DGKE: variants seen among roughly 807,000 people sequenced by gnomAD.
The protein encoded by DGKE is diacylglycerol kinase epsilon.
DGKE carries 53 observed loss-of-function variants against 70.0 expected under a neutral mutation model. That is an observed-to-expected ratio of 0.76 (90% CI 0.61 to 0.95). The LOEUF (loss-of-function observed/expected upper bound fraction) is 0.95, where lower values mean the gene tolerates loss of function less well. Among genes scored for constraint, DGKE ranks in the 40% least tolerant of loss-of-function variants. The pLI, the probability that DGKE is intolerant of heterozygous loss-of-function variation, is 0.00. For synonymous variants in DGKE, 291 were observed against 257.0 expected (o/e 1.13, Z -1.27); for missense variants, 655 against 706.9 (o/e 0.93, Z 0.83).
Position 56,867,462 on chromosome 17 carries a change from G to A in DGKE, c.*4671G>A, listed in dbSNP as rs933150728. 6.6e-6 allele frequency: 1 copy of A among 152,158 alleles called. No homozygotes were observed. The highest frequency in any genetic ancestry group is 1.5e-5 in the Non-Finnish European group (1 of 68,054). The allele number at this position is 152,158 out of a possible 1,614,324, so 9.4% of individuals were successfully genotyped here. ...TAAAAATACAAAAAAAATTAGCCAG[G>A]TACATTGGCACATGCCTTTAATCCC... On this transcript the variant is annotated 3_prime_UTR_variant, in exon 12 of 12. Coordinates refer to ENST00000284061, the MANE Select transcript of DGKE (RefSeq NM_003647.3).
Position 56,862,628 on chromosome 17 carries a change from C to T in DGKE, c.1541C>T (p.Ser514Phe). The T allele has an allele frequency of 6.4e-7, 1 of 1,560,454 alleles. No homozygotes were observed. The highest frequency in any genetic ancestry group is 8.6e-7 in the Non-Finnish European group (1 of 1,161,536). The change falls in exon 12 of 12, where the codon TCC (serine) becomes TTC (phenylalanine). Residue 514 changes from serine (S) to phenylalanine (F), a missense_variant. Ser to Phe is a radical substitution (Grantham distance 155). Coordinates refer to ENST00000284061, the MANE Select transcript of DGKE (RefSeq NM_003647.3). ...TAATATCAGCTGATTTTGAAGTGCT[C>T]CATGATGCCAATGCAGGTGGATGGG... ...AHTVRLILKCSMMPMQVDGEP... is the reference protein window; with the variant it reads ...AHTVRLILKCFMMPMQVDGEP...
intron 7 of DGKE, among the ~76,000 whole-genome samples, chr17:56,851,407 C>T (rs1598035736): frequency 6.6e-6 from 1 of 152,292 alleles, no homozygotes; most frequent in Middle Eastern, 3.4e-3. Flanking sequence ...CCTTTTCATC[C>T]ACTCAACTTC....
Position 56,868,270 on chromosome 17 carries a change from C to T in DGKE, c.*5479C>T, listed in dbSNP as rs1397227266. On this transcript the variant is annotated 3_prime_UTR_variant, in exon 12 of 12. Transcript: ENST00000284061. ...ATGATGGCTCATAAAAACGTTTGTT[C>T]TCAGTCCAGTTCAGGGCTCTGCCAG... 6.6e-6 allele frequency: 1 copy of T among 152,298 alleles called. No individual in the cohort carries two copies. Among genetic ancestry groups the T allele is most frequent in the African/African-American group, 2.4e-5 (1 of 41,466 alleles). The allele number at this position is 152,298 out of a possible 1,614,324, so 9.4% of individuals were successfully genotyped here.
rs758506570 is a variant in DGKE at position 56,835,229 on chromosome 17, G to A, written c.434G>A (p.Cys145Tyr). The change falls in exon 2 of 12, where the codon TGT (cysteine) becomes TAT (tyrosine). Residue 145 changes from cysteine to tyrosine, a missense_variant. Transcript: ENST00000284061. ...TACTGTATGGTTTGCAAGCAGCAGT[G>A]TGGCTGTCAACCCAAGCTTTGCGAT... ...CSYCMVCKQQ[C>Y]GCQPKLCDYR... 2 of 1,612,960 alleles carry A rather than the reference G, an allele frequency of 1.2e-6. No homozygotes were observed. The highest frequency in any genetic ancestry group is 2.2e-5 in the East Asian group (1 of 44,882).
chr17:56,852,338 G>A (rs1211602712), intron 7 of DGKE, among the ~76,000 whole-genome samples: 3 of 151,170 alleles, frequency 2.0e-5, no homozygotes, highest in South Asian at 4.2e-4. Flanking sequence ...GCTTGAACCC[G>A]AGAGGCAGAG....
chr17:56,846,556 G>T (rs1907298431), intron 4 of DGKE, among the ~76,000 whole-genome samples: 1 of 152,046 alleles, frequency 6.6e-6, no homozygotes, highest in African/African-American at 2.4e-5. Flanking sequence ...AATCTTATAT[G>T]TAAATTATAC....
At chr17:56,849,533 T>C (rs557935486) in intron 7 of DGKE, among the ~76,000 whole-genome samples, 2 of 152,262 alleles carry the variant, frequency 1.3e-5, no homozygotes, top group South Asian at 4.1e-4. Context: ...GTGCAAAGCA[T>C]GGTTAGCAAG....
rs1187874851 is a variant in DGKE, at chr17:56,863,598, TC to T, written c.*808del. On this transcript the variant is annotated 3_prime_UTR_variant, in exon 12 of 12. Coordinates refer to ENST00000284061, the MANE Select transcript of DGKE (RefSeq NM_003647.3). ...TTTATTAAAAGACAGTGTCAACACT[TC>T]AAAAAACGTGCTTAAAGGAGACAAC... is the stretch of plus-strand genomic sequence containing the variant. The T allele has an allele frequency of 1.3e-5, 2 of 152,216 alleles. No homozygotes were observed. Among genetic ancestry groups the T allele is most frequent in the African/African-American group, 2.4e-5 (1 of 41,448 alleles). 9.4% of individuals were successfully genotyped at this position (152,216 alleles called of 1,614,324 possible).
At chr17:56,852,608 TA>T (rs201332526) in intron 7 of DGKE, among the ~76,000 whole-genome samples, 13 of 145,776 alleles carry the variant, frequency 8.9e-5, no homozygotes, top group Admixed American at 2.7e-4. Flanking sequence ...TGATTTATTT[TA>T]AAAAAAAAAT....
intron 3 of DGKE, among the ~76,000 whole-genome samples, chr17:56,844,979 A>C (rs896445407): frequency 1.6e-4 from 24 of 152,308 alleles, no homozygotes; most frequent in Non-Finnish European, 2.6e-4. Flanking sequence ...CTGCAAGGGA[A>C]GGGACATTTT....
At chr17:56,848,164 T>C in intron 5 of DGKE, 99 bp downstream of exon 5, 1 of 820,450 alleles carries the variant, frequency 1.2e-6, no homozygotes. Flanking sequence ...GTTGTTGTTG[T>C]TGTTTTTTCT....
At chr17:56,852,811 T>A in intron 7 of DGKE, among the ~76,000 whole-genome samples, 1 of 152,236 alleles carries the variant, frequency 6.6e-6, no homozygotes, top group East Asian at 1.9e-4. Flanking sequence ...CTCTGATGAT[T>A]AGAAATGTTG....
At chr17:56,861,717 A>G in intron 9 of DGKE, 74 bp from the exon 10 acceptor site, 1 of 1,581,124 alleles carries the variant, frequency 6.3e-7, no homozygotes, top group East Asian at 2.3e-5. Context: ...TTATGAAAAT[A>G]GATGTGAATT....
intron 2 of DGKE, among the ~76,000 whole-genome samples, chr17:56,840,096 G>A (rs948723893): frequency 2.6e-5 from 4 of 152,028 alleles, no homozygotes; most frequent in Non-Finnish European, 4.4e-5. Flanking sequence ...CCCAGGAGGC[G>A]GAGGTTGCTG....
At chr17:56,840,592 C>T (rs76458845) in intron 2 of DGKE, among the ~76,000 whole-genome samples, 1 of 152,204 alleles carries the variant, frequency 6.6e-6, no homozygotes, top group Non-Finnish European at 1.5e-5. Flanking sequence ...GTTACTCAGG[C>T]TGGTCTCAAA....
rs748388751 is a variant in DGKE, at chr17:56,848,707, G to A, written c.900G>A (p.Lys300=). The A allele has an allele frequency of 2.5e-6, 4 of 1,613,922 alleles. No individual in the cohort carries two copies. Among genetic ancestry groups the A allele is most frequent in the Admixed American group, 1.7e-5 (1 of 59,978 alleles). Residue 300 remains lysine, a synonymous_variant, in exon 6 of 12, where the codon AAG becomes AAA. Coordinates refer to ENST00000284061, the MANE Select transcript of DGKE (RefSeq NM_003647.3). ...CTTCCATATTCTAGGGACAAGAAAA[G>A]TACATTCCACAAGTTGCAGTTTTGC... ...VDDMKIKGQE[K]YIPQVAVLPL...
chr17:56,845,592 A>G (rs1368503420), intron 3 of DGKE, 98 bp from the exon 4 acceptor site: 3 of 1,292,968 alleles, frequency 2.3e-6, no homozygotes, highest in Non-Finnish European at 3.1e-6. Flanking sequence ...TATAGTTTTT[A>G]TTTCAGCAAA....
At position 56,863,696 on chromosome 17, in the gene DGKE, T is replaced by C. The variant is rs1290680229; in HGVS notation, c.*905T>C. 1 of 152,258 alleles carries C rather than the reference T, an allele frequency of 6.6e-6. No individual in the cohort carries two copies. Among genetic ancestry groups the C allele is most frequent in the Non-Finnish European group, 1.5e-5 (1 of 68,046 alleles). 9.4% of individuals were successfully genotyped at this position (152,258 alleles called of 1,614,324 possible). The stretch of plus-strand genomic sequence containing the variant: ...TTAAAAATTTGGTGGTCTTGTAGTA[T>C]TTTGAAATACAGTAGTCTTTTAACA... On this transcript the variant is annotated 3_prime_UTR_variant, in exon 12 of 12. Coordinates refer to ENST00000284061, the MANE Select transcript of DGKE (RefSeq NM_003647.3).
In DGKE at chr17:56,834,952, G is replaced by A. The variant is rs558221360; in HGVS notation, c.157G>A (p.Asp53Asn). ...GTCGCGCCGGCAGCTGCACCGCAGGGACATCTTCCGCAAGAGCAAGCACGG... is the reference window on the plus strand; with the variant it reads ...GTCGCGCCGGCAGCTGCACCGCAGGAACATCTTCCGCAAGAGCAAGCACGG... ...QRSRRQLHRR[D>N]IFRKSKHGWR... Residue 53 changes from aspartate to asparagine, a missense_variant, in exon 2 of 12, where the codon GAC becomes AAC. Transcript: ENST00000284061. 3 of 1,613,096 alleles carry A rather than the reference G, an allele frequency of 1.9e-6. No individual in the cohort carries two copies. The highest frequency in any genetic ancestry group is 3.3e-5 in the Admixed American group (2 of 60,004).
Sources: allele counts gnomAD v4.1 joint callset (sites outside exome capture counted in the v4.1 genomes callset), GRCh38; gene constraint gnomAD v4.1.1; transcripts MANE v1.5; gene names NCBI Gene and HGNC (gene_info 2026-07-23, HGNC 2026-07-21).